The following DNAH6 variants were observed in gnomAD, a reference collection of about 807,000 sequenced individuals.
DNAH6 encodes axonemal beta dynein heavy chain 6.
DNAH6 carries 340 observed loss-of-function variants against 491.4 expected under a neutral mutation model. That is an observed-to-expected ratio of 0.69 (90% CI 0.63 to 0.76). The LOEUF is 0.76. Ranked by LOEUF, DNAH6 falls within the 30% of genes least tolerant of loss-of-function variation. The pLI is 0.00. For missense variants in DNAH6, 4,443 were observed against 4,972.2 expected (o/e 0.89, Z 3.20); for synonymous variants, 1,603 against 1,686.1 (o/e 0.95, Z 1.21).
At chr2:84,542,583 C>T (rs1301496635) in intron 4 of DNAH6, among the ~76,000 whole-genome samples, 6 of 152,122 alleles carry the variant, frequency 3.9e-5, no homozygotes. Context: ...CATCAGCCCC[C>T]CACATCTCCT....
chr2:84,718,391 A>G lies in DNAH6; in HGVS notation c.9792+7A>G, dbSNP rs1342144335. ...CACACTCCAGGATTCAAAGGCAAGT[A>G]AAATATTTTTAGTACTTATGGAAAG... On this transcript the variant is annotated splice_region_variant and intron_variant, in intron 59 of 76. Coordinates refer to ENST00000389394, the MANE Select transcript of DNAH6 (RefSeq NM_001370.2). 7 of 1,521,366 alleles carry G rather than the reference A, an allele frequency of 4.6e-6. No homozygotes were observed. Among genetic ancestry groups the G allele is most frequent in the East Asian group, 2.5e-5 (1 of 40,354 alleles). The allele number at this position is 1,521,366 out of a possible 1,614,324, so 94.2% of individuals were successfully genotyped here.
rs564163007 is a variant in DNAH6 at position 84,763,167 on chromosome 2, A to G, written c.10703+222A>G. Among the ~76,000 whole-genome samples, 72 of 152,328 alleles carry G rather than the reference A, an allele frequency of 4.7e-4. No individual in the cohort carries two copies. In the South Asian group the frequency reaches 0.014, roughly 30 times the overall value. On this transcript the variant is annotated intron_variant, in intron 64 of 76. Coordinates refer to ENST00000389394, the MANE Select transcript of DNAH6 (RefSeq NM_001370.2). ...TTAAGCAAAGGAGAAATTGCTTAAA[A>G]TATTAAAGTTTAATAATCTAGTGGA... is the stretch of plus-strand genomic sequence containing the variant.
intron 37 of DNAH6, among the ~76,000 whole-genome samples, chr2:84,660,045 A>G (rs752853139): frequency 2.0e-5 from 3 of 152,158 alleles, no homozygotes; most frequent in African/African-American, 4.8e-5. Context: ...TTTCCAGTCC[A>G]TGTGCTGAAA....
In DNAH6 at chr2:84,604,393, G is replaced by C. The variant is rs1260328318; in HGVS notation, c.2923G>C (p.Ala975Pro). 8 of 1,552,204 alleles carry C rather than the reference G, an allele frequency of 5.2e-6. No individual in the cohort carries two copies. The highest frequency in any genetic ancestry group is 6.1e-6 in the Non-Finnish European group (7 of 1,147,070). Reference protein sequence around the residue: ...NPTLKARHWAAIEQTVDATLV... With the variant: ...NPTLKARHWAPIEQTVDATLV... Reference sequence around the variant, plus strand: ...GACTTTGAAGGCAAGACATTGGGCAGCTATTGAACAAACAGTTGATGCCAC... The same window carrying C: ...GACTTTGAAGGCAAGACATTGGGCACCTATTGAACAAACAGTTGATGCCAC... Residue 975 changes from alanine (A) to proline (P), a missense_variant, in exon 19 of 77, where the codon GCT becomes CCT. Physicochemically the swap from Ala to Pro is conservative, Grantham distance 27. Around this residue, in one of 3 missense-constraint regions of DNAH6, gnomAD observed 2,977 missense variants for 3,296.6 expected, o/e 0.90. Coordinates refer to ENST00000389394, the MANE Select transcript of DNAH6 (RefSeq NM_001370.2).
chr2:84,769,098 T>C (rs1675366961), intron 64 of DNAH6, among the ~76,000 whole-genome samples: 2 of 152,234 alleles, frequency 1.3e-5, no homozygotes, highest in Non-Finnish European at 2.9e-5. Flanking sequence ...ATTGCCCTGC[T>C]GATGCTGTAC....
At chr2:84,531,362 T>A (rs1381652996) in intron 4 of DNAH6, among the ~76,000 whole-genome samples, 42 of 1,514 alleles carry the variant, frequency 0.028, 18 homozygotes, top group Non-Finnish European at 0.1. Context: ...TTATTTTTTT[T>A]TTTTTTGAGA....
intron 57 of DNAH6, among the ~76,000 whole-genome samples, chr2:84,713,738 A>G (rs1275245279): frequency 6.6e-6 from 1 of 152,150 alleles, no homozygotes; most frequent in East Asian, 1.9e-4. Flanking sequence ...TAAATGTGCA[A>G]ATGCCCACAG....
intron 41 of DNAH6, among the ~76,000 whole-genome samples, chr2:84,678,990 G>T (rs925747092): frequency 6.6e-6 from 1 of 152,236 alleles, no homozygotes; most frequent in Admixed American, 6.5e-5. Flanking sequence ...TCCCACCTTA[G>T]CAGGACCCAA....
chr2:84,745,938 A>C (rs541360085), intron 63 of DNAH6, among the ~76,000 whole-genome samples: 5 of 152,130 alleles, frequency 3.3e-5, no homozygotes, highest in Non-Finnish European at 7.3e-5. Context: ...AGATGAAAGA[A>C]GTTATGACAG....
intron 26 of DNAH6, among the ~76,000 whole-genome samples, chr2:84,622,023 C>T (rs1038685506): frequency 6.6e-6 from 1 of 152,174 alleles, no homozygotes; most frequent in Non-Finnish European, 1.5e-5. Context: ...GAACTTTTAG[C>T]TATAGCTGGG....
chr2:84,547,228 G>A lies in DNAH6; in HGVS notation c.931-40G>A, dbSNP rs1489645860. 4 of 1,447,106 alleles carry A rather than the reference G, an allele frequency of 2.8e-6. No individual in the cohort carries two copies. The Admixed American group carries it at 9.5e-5, about 34-fold the overall frequency. 89.6% of individuals were successfully genotyped at this position (1,447,106 alleles called of 1,614,324 possible). ...GAATGTTCTATACTTTTAAAATACA[G>A]AATATTTTTACTAAATAATAAATTC... On this transcript the variant is annotated intron_variant, in intron 5 of 76. Transcript: ENST00000389394.
At chr2:84,592,792 A>G (rs1015081022) in intron 16 of DNAH6, among the ~76,000 whole-genome samples, 16 of 151,886 alleles carry the variant, frequency 1.1e-4, no homozygotes, top group African/African-American at 3.6e-4. Flanking sequence ...AGCATGGATG[A>G]CCTGGAGGAC....
At chr2:84,710,222 C>T in intron 55 of DNAH6, 65 bp from the exon 56 acceptor site, 1 of 1,506,350 alleles carries the variant, frequency 6.6e-7, no homozygotes, top group Non-Finnish European at 8.9e-7. Flanking sequence ...TCTTCTAAAG[C>T]TTTCGCTTTC....
In DNAH6 at chr2:84,709,537, C is replaced by T; in HGVS notation, c.9243C>T (p.Pro3081=). 1 of 1,551,558 alleles carries T rather than the reference C, an allele frequency of 6.4e-7. No homozygotes were observed. The highest frequency in any genetic ancestry group is 2.0e-5 in the Admixed American group (1 of 50,984). ...GAAGATGGCCTTTGATGATTGATCC[C>T]CAAGATCAGGTGTGTAGCAAATGCT... ...QGRRWPLMID[P]QDQANRWIRN... The change falls in exon 55 of 77, where the codon CCC becomes CCT. Residue 3081 remains proline (P), a synonymous_variant. Transcript: ENST00000389394.
chr2:84,500,844 G>A, the DNAH6 span, among the ~76,000 whole-genome samples: 2 of 152,106 alleles, frequency 1.3e-5, no homozygotes, highest in Non-Finnish European at 2.9e-5. Context: ...TTGGCATATA[G>A]AAATTCTACT....
intron 42 of DNAH6, among the ~76,000 whole-genome samples, chr2:84,683,034 G>A (rs1693932901): frequency 1.3e-5 from 2 of 151,088 alleles, no homozygotes; most frequent in Non-Finnish European, 2.9e-5. Flanking sequence ...AGGGACCGCT[G>A]TACATTGCTT....
Position 84,753,755 on chromosome 2 carries a change from T to TAAAAAAA in DNAH6, c.10512+8524_10512+8530dup, listed in dbSNP as rs1162541312. Among the ~76,000 whole-genome samples the TAAAAAAA allele has an allele frequency of 5.3e-4, 41 of 77,128 alleles. 1 individual carries two copies. The highest frequency in any genetic ancestry group is 0.013 in the Middle Eastern group (1 of 78). The allele number at this position is 77,128 out of a possible 152,430, so 50.6% of individuals were successfully genotyped here. A position where few individuals can be genotyped will look rare whatever the true frequency, so the allele number is the denominator to read the frequency against. On this transcript the variant is annotated intron_variant, in intron 63 of 76. Transcript: ENST00000389394. Reference sequence around the variant, plus strand: ...CTGGGCAACAGGAGTGAAACTCTGTTAAAAAAAAAAAAAAAAAAAAAAAAG... The same window carrying TAAAAAAA: ...CTGGGCAACAGGAGTGAAACTCTGTTAAAAAAAAAAAAAAAAAAAAAAAAAAAAAAAG...
At chr2:84,685,141 T>C (rs1285309528) in intron 42 of DNAH6, among the ~76,000 whole-genome samples, 185 bp from the exon 43 acceptor site, 3 of 152,172 alleles carry the variant, frequency 2.0e-5, no homozygotes, top group African/African-American at 7.2e-5. Flanking sequence ...TGTCAAATAA[T>C]GTATCCCAGA....
At chr2:84,506,893 T>TATA in the DNAH6 span, among the ~76,000 whole-genome samples, 4 of 152,230 alleles carry the variant, frequency 2.6e-5, no homozygotes, top group South Asian at 8.3e-4. Flanking sequence ...GTGGCATTAT[T>TATA]TCTGAGGGCT....
Sources: gnomAD v4.1 joint callset for allele counts (sites outside exome capture counted in the v4.1 genomes callset) on GRCh38, gnomAD v4.1.1 for gene constraint, gnomAD v4.1.1 regional missense constraint, MANE v1.5 for transcripts, NCBI Gene and HGNC (gene_info 2026-07-23, HGNC 2026-07-21) for gene names.